The following EYS variants were observed in gnomAD, a reference collection of about 807,000 sequenced individuals.
EYS encodes the protein EGF-like photoreceptor maintenance factor.
EYS carries 250 observed loss-of-function variants against 282.1 expected under a neutral mutation model. The ratio of observed to expected loss-of-function variants is 0.89; its 90% CI spans 0.80 to 0.98. The LOEUF (loss-of-function observed/expected upper bound fraction) is 0.98, where lower values mean the gene tolerates loss of function less well. Among genes scored for constraint, EYS ranks in the 50% least tolerant of loss-of-function variants. The pLI is 0.00. For missense variants in EYS, 4,016 were observed against 3,709.0 expected, an observed-to-expected ratio of 1.08 and a Z score of -2.15; for synonymous variants, 1,355 against 1,282.9, an observed-to-expected ratio of 1.06 and a Z score of -1.20.
At chr6:65,505,223 T>C (rs1766611379) in intron 2 of EYS, among the ~76,000 whole-genome samples, 1 of 151,826 alleles carries the variant, frequency 6.6e-6, no homozygotes. Flanking sequence ...ATATATCCTC[T>C]TAATGCCCAT....
chr6:64,608,248 G>T (rs1166052587), intron 24 of EYS, among the ~76,000 whole-genome samples: 11 of 152,006 alleles, frequency 7.2e-5, no homozygotes, highest in Admixed American at 7.2e-4. Flanking sequence ...GTATCTGCCT[G>T]GAGAACAGAA....
intron 22 of EYS, among the ~76,000 whole-genome samples, chr6:64,646,830 T>A (rs1200370987): frequency 6.6e-6 from 1 of 151,692 alleles, no homozygotes; most frequent in Non-Finnish European, 1.5e-5. Context: ...AAAAGAAAAT[T>A]CTTCATAAAT....
At chr6:65,211,128 C>T (rs894941769) in intron 12 of EYS, among the ~76,000 whole-genome samples, 1 of 151,918 alleles carries the variant, frequency 6.6e-6, no homozygotes, top group Non-Finnish European at 1.5e-5. Context: ...ATAAAAACTT[C>T]AAGAAAACCT....
chr6:64,073,124 G>A (rs966578721), intron 32 of EYS, among the ~76,000 whole-genome samples: 9 of 151,796 alleles, frequency 5.9e-5, no homozygotes, highest in Non-Finnish European at 1.3e-4. Flanking sequence ...TTTAATAAAG[G>A]TAATGGGAAC....
At chr6:64,026,797 G>A (rs1480079416) in intron 33 of EYS, among the ~76,000 whole-genome samples, 3 of 152,070 alleles carry the variant, frequency 2.0e-5, no homozygotes, top group Non-Finnish European at 4.4e-5. Context: ...AAACCCCCTA[G>A]GCTATCGGTT....
At chr6:63,745,387 G>A (rs530627988) in intron 41 of EYS, among the ~76,000 whole-genome samples, 5 of 152,322 alleles carry the variant, frequency 3.3e-5, no homozygotes, top group Non-Finnish European at 7.4e-5. Context: ...GCTACCAAAA[G>A]CTGAAAGAGG....
intron 2 of EYS, among the ~76,000 whole-genome samples, chr6:65,519,536 T>C (rs1488706828): frequency 6.7e-6 from 1 of 149,198 alleles, no homozygotes; most frequent in African/African-American, 2.5e-5. Flanking sequence ...AACTTAATAA[T>C]AGAATACTAA....
intron 12 of EYS, among the ~76,000 whole-genome samples, chr6:65,211,981 T>C (rs1230492956): frequency 6.6e-6 from 1 of 151,794 alleles, no homozygotes; most frequent in Non-Finnish European, 1.5e-5. Context: ...GACAAATAAG[T>C]ACAAAATTGA....
intron 1 of EYS, among the ~76,000 whole-genome samples, chr6:65,673,253 T>G (rs2149833706): frequency 6.6e-6 from 1 of 152,094 alleles, no homozygotes; most frequent in Non-Finnish European, 1.5e-5. Context: ...TGGGCGATGT[T>G]TCTCAGGGCT....
intron 26 of EYS, among the ~76,000 whole-genome samples, chr6:64,517,422 G>T (rs1353186474): frequency 6.6e-6 from 1 of 151,824 alleles, no homozygotes; most frequent in Non-Finnish European, 1.5e-5. Context: ...AAAATGTATG[G>T]CAATAACTGG....
intron 35 of EYS, among the ~76,000 whole-genome samples, chr6:63,917,662 A>G (rs887681278): frequency 5.9e-5 from 9 of 152,358 alleles, no homozygotes; most frequent in Non-Finnish European, 1.0e-4. Flanking sequence ...TGAAATTAAA[A>G]CAGACATGAA....
chr6:65,502,294 T>C (rs1766482926), intron 2 of EYS, among the ~76,000 whole-genome samples: 1 of 151,738 alleles, frequency 6.6e-6, no homozygotes, highest in African/African-American at 2.4e-5. Flanking sequence ...CTCACACAAA[T>C]CATACTTTGG....
chr6:63,746,187 T>G (rs1242568334), intron 41 of EYS, among the ~76,000 whole-genome samples: 5 of 152,240 alleles, frequency 3.3e-5, no homozygotes, highest in Admixed American at 3.3e-4. Context: ...GATAATCATG[T>G]GGTTTCTGTT....
chr6:65,510,127 C>T (rs528555926), intron 2 of EYS, among the ~76,000 whole-genome samples: 24 of 150,086 alleles, frequency 1.6e-4, no homozygotes, highest in South Asian at 1.5e-3. Flanking sequence ...CCCACTAACT[C>T]GTCATCTAGC....
chr6:63,760,443 T>C (rs1769603126), intron 41 of EYS, among the ~76,000 whole-genome samples: 1 of 152,092 alleles, frequency 6.6e-6, no homozygotes, highest in Non-Finnish European at 1.5e-5. Context: ...AATATTTTAA[T>C]GAGTACTCTG....
At chr6:65,077,884 G>A (rs1301905542) in intron 12 of EYS, among the ~76,000 whole-genome samples, 1 of 152,000 alleles carries the variant, frequency 6.6e-6, no homozygotes, top group Non-Finnish European at 1.5e-5. Context: ...AATTTTAATG[G>A]TTTTAGAAAA....
intron 14 of EYS, among the ~76,000 whole-genome samples, chr6:64,963,126 T>C (rs188308184): frequency 9.8e-4 from 150 of 152,328 alleles, no homozygotes; most frequent in African/African-American, 3.5e-3. Context: ...AATCTCTCTC[T>C]AGGTGTAGTA....
intron 13 of EYS, among the ~76,000 whole-genome samples, chr6:65,055,081 A>G (rs1773374861): frequency 6.6e-6 from 1 of 152,072 alleles, no homozygotes; most frequent in Non-Finnish European, 1.5e-5. Flanking sequence ...TTATGGGGTC[A>G]ACCAATCCTC....
At position 64,822,733 on chromosome 6, in the gene EYS, A is replaced by G; in HGVS notation, c.3082T>C (p.Cys1028Arg). ...VCIDGINHYTCDCKSGFFGTH... is the reference protein window; with the variant it reads ...VCIDGINHYTRDCKSGFFGTH... ...CCAAAAAACCCACTCTTGCAGTCAC[A>G]GGTATAATGATTGATGCCATCGATA... is the stretch of plus-strand genomic sequence containing the variant. The change falls in exon 20 of 43, where the codon TGT (cysteine) becomes CGT (arginine). Residue 1028 changes from cysteine to arginine, a missense_variant. By Grantham distance (180) the Cys-to-Arg change is radical. Transcript: ENST00000503581. 6.5e-7 allele frequency: 1 copy of G among 1,549,984 alleles called. No individual in the cohort carries two copies. Among genetic ancestry groups the G allele is most frequent in the Non-Finnish European group, 8.7e-7 (1 of 1,145,988 alleles).
Sources: gnomAD v4.1 joint callset for allele counts (sites outside exome capture counted in the v4.1 genomes callset) on GRCh38, gnomAD v4.1.1 for gene constraint, MANE v1.5 for transcripts, NCBI Gene and HGNC (gene_info 2026-07-23, HGNC 2026-07-21) for gene names.